Variants in PRKD1 observed in about 807,000 individuals in gnomAD.
The protein encoded by PRKD1 is serine/threonine-protein kinase D1.
A neutral mutation model predicts 95.9 loss-of-function variants in PRKD1; 63 were observed. The ratio of observed to expected loss-of-function variants is 0.66; its 90% confidence interval spans 0.54 to 0.81. The LOEUF (loss-of-function observed/expected upper bound fraction) is 0.81, where lower values mean the gene tolerates loss of function less well. PRKD1 is among the 30% of genes least tolerant of loss of function. The pLI, the probability that PRKD1 is intolerant of heterozygous loss-of-function variation, is 0.00. For missense variants in PRKD1, 1,048 were observed against 1,165.3 expected (o/e 0.90, Z 1.47); for synonymous variants, 425 against 423.1 (o/e 1.00, Z -0.05).
intron 4 of PRKD1, among the ~76,000 whole-genome samples, chr14:29,655,835 G>C (rs1007706497): frequency 4.0e-5 from 6 of 151,682 alleles, no homozygotes; most frequent in Admixed American, 2.6e-4. Flanking sequence ...AACACAAAAG[G>C]ATGGAAAGAT....
intron 9 of PRKD1, 65 bp from the exon 10 acceptor site, chr14:29,631,086 A>G (rs1001459398): frequency 3.5e-6 from 5 of 1,429,728 alleles, no homozygotes; most frequent in Non-Finnish European, 4.7e-6. Flanking sequence ...AAGAAAATTC[A>G]TGCCAAGAAC....
chr14:29,652,959 T>G (rs1881604457), intron 4 of PRKD1: 1 of 152,220 alleles, frequency 6.6e-6, no homozygotes, highest in Non-Finnish European at 1.5e-5. Context: ...TATCTAATTA[T>G]AGATAGAAAA....
intron 1 of PRKD1, among the ~76,000 whole-genome samples, chr14:29,811,485 A>G (rs1315890040): frequency 6.6e-6 from 1 of 152,218 alleles, no homozygotes; most frequent in Non-Finnish European, 1.5e-5. Flanking sequence ...ATAAGGATGC[A>G]TTAAGCATCT....
intron 2 of PRKD1, among the ~76,000 whole-genome samples, chr14:29,669,923 C>T (rs941129435): frequency 6.6e-6 from 1 of 152,100 alleles, no homozygotes; most frequent in South Asian, 2.1e-4. Context: ...CTTTAAACTT[C>T]CTTTCATTCA....
At chr14:29,891,141 G>C (rs1893923921) in intron 1 of PRKD1, among the ~76,000 whole-genome samples, 1 of 152,150 alleles carries the variant, frequency 6.6e-6, no homozygotes, top group Admixed American at 6.5e-5. Context: ...GATGCCCAAA[G>C]GACAGCTATG....
At chr14:29,688,830 G>C (rs979989867) in intron 2 of PRKD1, among the ~76,000 whole-genome samples, 2 of 151,594 alleles carry the variant, frequency 1.3e-5, no homozygotes, top group Non-Finnish European at 2.9e-5. Flanking sequence ...CTACTTGAGA[G>C]GCTGAGGCAG....
intron 16 of PRKD1, among the ~76,000 whole-genome samples, chr14:29,580,292 T>C (rs1938751709): frequency 6.6e-6 from 1 of 151,998 alleles, no homozygotes; most frequent in African/African-American, 2.4e-5. Context: ...TAAGTAAAAA[T>C]GAAAAAATTG....
At chr14:29,638,928 G>A (rs1459898662) in intron 4 of PRKD1, 24 bp from the exon 5 acceptor site, 5 of 1,578,820 alleles carry the variant, frequency 3.2e-6, no homozygotes, top group Admixed American at 1.7e-5. Context: ...AACAATAAAG[G>A]AAGCAAGATG....
chr14:29,887,663 A>G (rs1893770684), intron 1 of PRKD1, among the ~76,000 whole-genome samples: 1 of 152,216 alleles, frequency 6.6e-6, no homozygotes, highest in African/African-American at 2.4e-5. Flanking sequence ...CACATATACA[A>G]TGGTGGTCTT....
At chr14:29,687,242 A>G (rs892264782) in intron 2 of PRKD1, among the ~76,000 whole-genome samples, 3 of 152,220 alleles carry the variant, frequency 2.0e-5, no homozygotes, top group Admixed American at 2.0e-4. Flanking sequence ...GCTTGCGGTA[A>G]TCTCTTATGA....
chr14:29,927,403 G>C lies in PRKD1; in HGVS notation c.110C>G (p.Pro37Arg), dbSNP rs1895345440. Residue 37 changes from proline (P) to arginine (R), a missense_variant, in exon 1 of 18, where the codon CCG becomes CGG. By Grantham distance (103) the Pro-to-Arg change is moderately radical (BLOSUM62 -2). Around this residue, in one of 3 missense-constraint regions of PRKD1, gnomAD observed 275 missense variants for 248.6 expected, o/e 1.11. Coordinates refer to ENST00000331968, the MANE Select transcript of PRKD1 (RefSeq NM_002742.3). ...LVPGSGPGPA[P>R]FLAPVAAPVG... is the part of the protein sequence containing the mutation. ...CGGGGCCGCGACAGGAGCCAAGAAC[G>C]GCGCGGGCCCGGGCCCGGACCCTGG... 8 of 1,525,836 alleles carry C rather than the reference G, an allele frequency of 5.2e-6. No homozygotes were observed. Among genetic ancestry groups the C allele is most frequent in the Non-Finnish European group, 7.0e-6 (8 of 1,139,884 alleles). 94.5% of individuals were successfully genotyped at this position (1,525,836 alleles called of 1,614,324 possible). A position where few individuals can be genotyped will look rare whatever the true frequency, so the allele number is the denominator to read the frequency against.
chr14:29,644,508 T>C (rs1019298243), intron 4 of PRKD1, among the ~76,000 whole-genome samples: 8 of 152,190 alleles, frequency 5.3e-5, no homozygotes, highest in Admixed American at 1.3e-4. Flanking sequence ...GAACCCATTG[T>C]TGATGGATCT....
Position 29,599,119 on chromosome 14 carries a change from C to G in PRKD1, c.2074G>C (p.Val692Leu). ...TTAAAATGAAGGTGCCGCAAAGCCA[C>G]GAGTATCTGTAAAGAAGAATCACCA... Reference protein sequence around the residue: ...ITKFLITQILVALRHLHFKNI... With the variant: ...ITKFLITQILLALRHLHFKNI... Residue 692 changes from valine to leucine, a missense_variant, in exon 15 of 18, where the codon GTG becomes CTG. Transcript: ENST00000331968. The G allele has an allele frequency of 2.5e-6, 4 of 1,612,286 alleles. No homozygotes were observed. Among genetic ancestry groups the G allele is most frequent in the Non-Finnish European group, 3.4e-6 (4 of 1,178,744 alleles).
chr14:29,624,404 A>G, intron 12 of PRKD1, 146 bp from the exon 13 acceptor site: 1 of 438,104 alleles, frequency 2.3e-6, no homozygotes, highest in South Asian at 6.1e-5. Context: ...ACTTACATAT[A>G]TATATATAAA....
At chr14:29,669,874 C>CA (rs1415834474) in intron 2 of PRKD1, among the ~76,000 whole-genome samples, 3 of 151,910 alleles carry the variant, frequency 2.0e-5, no homozygotes, top group African/African-American at 7.3e-5. Context: ...TCTCAAAAAA[C>CA]AAAAAACAAA....
intron 1 of PRKD1, among the ~76,000 whole-genome samples, chr14:29,753,948 G>T (rs17096047): frequency 6.6e-6 from 1 of 152,054 alleles, no homozygotes; most frequent in Non-Finnish European, 1.5e-5. Flanking sequence ...GAGAACATAC[G>T]TATGCAAAAG....
chr14:29,766,820 A>G (rs1247054438), intron 1 of PRKD1, among the ~76,000 whole-genome samples: 1 of 152,132 alleles, frequency 6.6e-6, no homozygotes, highest in Non-Finnish European at 1.5e-5. Flanking sequence ...GAACAAAACA[A>G]AAACTTTTGT....
intron 2 of PRKD1, among the ~76,000 whole-genome samples, chr14:29,670,864 G>C (rs1329798432): frequency 1.3e-5 from 2 of 152,122 alleles, no homozygotes; most frequent in African/African-American, 4.8e-5. Flanking sequence ...GAAACATCTA[G>C]AGTTGTGAGG....
At chr14:29,594,573 A>T (rs1056746113) in intron 16 of PRKD1, among the ~76,000 whole-genome samples, 1 of 152,194 alleles carries the variant, frequency 6.6e-6, no homozygotes, top group Non-Finnish European at 1.5e-5. Context: ...ACTCCTCGGA[A>T]TGGCAGATAG....
Sources: gnomAD v4.1 joint callset for allele counts (sites outside exome capture counted in the v4.1 genomes callset) on GRCh38, gnomAD v4.1.1 for gene constraint, gnomAD v4.1.1 regional missense constraint, MANE v1.5 for transcripts, NCBI Gene and HGNC (gene_info 2026-07-23, HGNC 2026-07-21) for gene names.